Variants in WAC observed in about 807,000 individuals in gnomAD.
The protein encoded by WAC is WW domain-containing adapter protein with coiled-coil.
Under a neutral mutation model 79.6 loss-of-function variants are expected in WAC, and 11 were observed. The ratio of observed to expected loss-of-function variants is 0.14; its 90% CI spans 0.09 to 0.23. WAC has a LOEUF of 0.23. Among genes scored for constraint, WAC ranks in the 10% least tolerant of loss-of-function variants. The pLI, the probability that WAC is intolerant of heterozygous loss-of-function variation, is 1.00. For missense variants in WAC, 728 were observed against 773.5 expected (o/e 0.94, Z 0.70); for synonymous variants, 304 against 276.9 (o/e 1.10, Z -0.97).
chr10:28,581,090 T>C (rs1345457515), intron 3 of WAC, among the ~76,000 whole-genome samples: 1 of 152,072 alleles, frequency 6.6e-6, no homozygotes, highest in East Asian at 1.9e-4. Context: ...TCACTAGAGA[T>C]TTAGTGTGCA....
chr10:28,533,720 T>C, intron 1 of WAC, 100 bp downstream of exon 1: 2 of 1,399,924 alleles, frequency 1.4e-6, no homozygotes, highest in Non-Finnish European at 1.9e-6. Flanking sequence ...ATTTTTGTTG[T>C]TAACCCTGAT....
intron 3 of WAC, among the ~76,000 whole-genome samples, chr10:28,560,650 T>G (rs1838250853): frequency 6.6e-6 from 1 of 152,140 alleles, no homozygotes; most frequent in African/African-American, 2.4e-5. Flanking sequence ...CCACCCAGAC[T>G]CTTAAAGAAA....
At chr10:28,619,006 C>T (rs771132080) in intron 13 of WAC, among the ~76,000 whole-genome samples, 17 of 152,192 alleles carry the variant, frequency 1.1e-4, no homozygotes, top group Admixed American at 8.5e-4. Flanking sequence ...AGGCTGGGCG[C>T]GGTGGCTAAC....
At chr10:28,589,590 A>T (rs41283722) in intron 4 of WAC, 146 bp from the exon 5 acceptor site, 15 of 437,238 alleles carry the variant, frequency 3.4e-5, no homozygotes, top group Non-Finnish European at 5.3e-5. Flanking sequence ...CTAAGGTCTT[A>T]TAAATACTTA....
At chr10:28,616,795 T>C (rs943921560) in intron 12 of WAC, among the ~76,000 whole-genome samples, 1 of 152,222 alleles carries the variant, frequency 6.6e-6, no homozygotes, top group African/African-American at 2.4e-5. Context: ...GTTAATCTAC[T>C]GGCCAAGCGC....
intron 7 of WAC, among the ~76,000 whole-genome samples, chr10:28,607,017 G>A (rs2772433): frequency 0.36 from 54,753 of 152,002 alleles, 10,763 homozygotes; most frequent in East Asian, 0.54. Context: ...TCCTGATTCT[G>A]AATGAAGTTG....
intron 3 of WAC, among the ~76,000 whole-genome samples, chr10:28,577,365 C>A (rs1489469027): frequency 6.6e-6 from 1 of 151,982 alleles, no homozygotes; most frequent in Non-Finnish European, 1.5e-5. Flanking sequence ...AATTGATTTC[C>A]ATGCTGAGCT....
chr10:28,550,920 A>G (rs186666427), intron 3 of WAC, among the ~76,000 whole-genome samples: 98 of 152,358 alleles, frequency 6.4e-4, no homozygotes, highest in Non-Finnish European at 1.2e-3. Context: ...GTATAATCCT[A>G]TAGAAAGCTG....
intron 7 of WAC, among the ~76,000 whole-genome samples, chr10:28,597,882 GT>G (rs1840461522): frequency 6.6e-6 from 1 of 152,130 alleles, no homozygotes; most frequent in South Asian, 2.1e-4. Context: ...CTCTCTCTCT[GT>G]TTTAATTGTA....
At chr10:28,536,322 C>T (rs1335958700) in intron 3 of WAC, among the ~76,000 whole-genome samples, 9 of 150,560 alleles carry the variant, frequency 6.0e-5, no homozygotes, top group Non-Finnish European at 1.3e-4. Context: ...AACATGCTTT[C>T]TTAAGGATGG....
At chr10:28,559,170 C>A (rs1232594423) in intron 3 of WAC, among the ~76,000 whole-genome samples, 1 of 72,366 alleles carries the variant, frequency 1.4e-5, no homozygotes, top group East Asian at 5.5e-4. Flanking sequence ...GTGTGTAAGT[C>A]TGATGTTCTC....
intron 7 of WAC, among the ~76,000 whole-genome samples, chr10:28,602,749 A>G (rs565571431): frequency 6.6e-5 from 10 of 152,364 alleles, no homozygotes; most frequent in African/African-American, 2.4e-4. Context: ...AAGGGTACCT[A>G]TAACAAGAGT....
At chr10:28,564,818 C>T (rs887963870) in intron 3 of WAC, among the ~76,000 whole-genome samples, 5 of 152,170 alleles carry the variant, frequency 3.3e-5, no homozygotes, top group African/African-American at 1.2e-4. Flanking sequence ...TGATAATCCC[C>T]ATTGTCTCTA....
At chr10:28,577,596 A>G (rs1839312088) in intron 3 of WAC, among the ~76,000 whole-genome samples, 1 of 152,206 alleles carries the variant, frequency 6.6e-6, no homozygotes. Context: ...GCCGCTGGTT[A>G]GGAGTGATGA....
rs1189557506 is a variant in WAC at position 28,618,029 on chromosome 10, T to C, written c.1874+245T>C. On this transcript the variant is annotated intron_variant, in intron 13 of 13. Transcript: ENST00000354911. ...CATAACTCCATAAGCTGCAATAATA[T>C]ATTACTGAAAAAATGAAATATTGAC... 2.6e-5 allele frequency: 7 copies of C among 273,232 alleles called. 1 individual carries two copies. The highest frequency in any genetic ancestry group is 1.9e-4 in the East Asian group (2 of 10,722). 16.9% of individuals were successfully genotyped at this position (273,232 alleles called of 1,614,324 possible). A position where few individuals can be genotyped will look rare whatever the true frequency, so the allele number is the denominator to read the frequency against.
At chr10:28,598,969 G>T (rs1840509948) in intron 7 of WAC, among the ~76,000 whole-genome samples, 1 of 152,194 alleles carries the variant, frequency 6.6e-6, no homozygotes, top group African/African-American at 2.4e-5. Flanking sequence ...ATTGAAGACT[G>T]TTACATCCTT....
chr10:28,613,984 A>C (rs1841362187), intron 10 of WAC, among the ~76,000 whole-genome samples: 1 of 152,188 alleles, frequency 6.6e-6, no homozygotes, highest in South Asian at 2.1e-4. Context: ...ATTAAAATCT[A>C]AGCATCCATA....
intron 6 of WAC, among the ~76,000 whole-genome samples, chr10:28,592,771 T>C (rs1564406326): frequency 6.6e-6 from 1 of 152,250 alleles, no homozygotes; most frequent in Admixed American, 6.5e-5. Flanking sequence ...TTTTGGAATA[T>C]ATACTTTTTT....
At chr10:28,570,805 C>G (rs1838909584) in intron 3 of WAC, among the ~76,000 whole-genome samples, 1 of 152,004 alleles carries the variant, frequency 6.6e-6, no homozygotes, top group Non-Finnish European at 1.5e-5. Context: ...GAAAGGCTGA[C>G]TTATGAATTA....
Sources: allele counts gnomAD v4.1 joint callset (sites outside exome capture counted in the v4.1 genomes callset), GRCh38; gene constraint gnomAD v4.1.1; transcripts MANE v1.5; gene names NCBI Gene and HGNC (gene_info 2026-07-23, HGNC 2026-07-21).